The following CASQ2 variants were observed in gnomAD, a reference collection of about 807,000 sequenced individuals.
The protein encoded by CASQ2 is calsequestrin 2.
CASQ2 carries 49 observed loss-of-function variants against 46.5 expected under a neutral mutation model. The ratio of observed to expected loss-of-function variants is 1.05; its 90% confidence interval spans 0.84 to 1.34. The LOEUF (loss-of-function observed/expected upper bound fraction) is 1.34, where lower values mean the gene tolerates loss of function less well. CASQ2 is among the 40% of genes most tolerant of loss of function. CASQ2 has a pLI of 0.00. For synonymous variants in CASQ2, 174 were observed against 168.5 expected, an observed-to-expected ratio of 1.03 and a Z score of -0.25; for missense variants, 486 against 481.3, an observed-to-expected ratio of 1.01 and a Z score of -0.09.
chr1:115,701,310 TTCA>T lies in CASQ2; in HGVS notation c.1128_1130del (p.Asp376del), dbSNP rs202241842. On this transcript the variant is annotated inframe_deletion, in exon 11 of 11. Transcript: ENST00000261448. ...CAGAATTATCATCATCATCATCATC[TTCA>T]TCATCATCTTCAGTGTTTATCTTTC... The T allele has an allele frequency of 2.4e-5, 39 of 1,593,582 alleles. No individual in the cohort carries two copies. Among genetic ancestry groups the T allele is most frequent in the East Asian group, 8.9e-5 (4 of 44,758 alleles).
chr1:115,765,205 T>C (rs1248501049), intron 1 of CASQ2, among the ~76,000 whole-genome samples: 1 of 152,208 alleles, frequency 6.6e-6, no homozygotes, highest in Non-Finnish European at 1.5e-5. Flanking sequence ...TGTGAGCCAC[T>C]TGAGGGTCTC....
In CASQ2 at chr1:115,701,264, T is replaced by G. The variant is rs779986877; in HGVS notation, c.1177A>C (p.Ser393Arg). ...DNSDEEDNDD[S>R]DDDDDE ...GGCTATTCATCATCATCGTCATCAC[T>G]GTCATCATTATCCTCTTCATCAGAA... The change falls in exon 11 of 11, where the codon AGT (serine) becomes CGT (arginine). Residue 393 changes from serine to arginine, a missense_variant. Transcript: ENST00000261448. The G allele has an allele frequency of 6.2e-7, 1 of 1,606,012 alleles. No individual in the cohort carries two copies. Among genetic ancestry groups the G allele is most frequent in the Non-Finnish European group, 8.5e-7 (1 of 1,172,686 alleles).
At chr1:115,751,632 A>T (rs766645341) in intron 1 of CASQ2, among the ~76,000 whole-genome samples, 5 of 151,748 alleles carry the variant, frequency 3.3e-5, no homozygotes, top group Non-Finnish European at 7.4e-5. Context: ...AGATTGCGCC[A>T]CTGCACTCCA....
At chr1:115,724,297 T>G (rs552385011) in intron 7 of CASQ2, among the ~76,000 whole-genome samples, 1 of 152,238 alleles carries the variant, frequency 6.6e-6, no homozygotes, top group South Asian at 2.1e-4. Flanking sequence ...AAAATAGTAT[T>G]TGGTTTTTGT....
At position 115,700,882 on chromosome 1, in the gene CASQ2, T is replaced by C; in HGVS notation, c.*359A>G. 1.7e-6 allele frequency: 1 copy of C among 588,376 alleles called. No individual in the cohort carries two copies. Among genetic ancestry groups the C allele is most frequent in the South Asian group, 2.2e-5 (1 of 45,314 alleles). 36.4% of individuals were successfully genotyped at this position (588,376 alleles called of 1,614,324 possible). On this transcript the variant is annotated 3_prime_UTR_variant, in exon 11 of 11. Coordinates refer to ENST00000261448, the MANE Select transcript of CASQ2 (RefSeq NM_001232.4). ...TGAGTTAGAAAGCTGTCAATTTTGT[T>C]ACTGTCATAATCAAAGACAAGTAAA... is the stretch of plus-strand genomic sequence containing the variant.
intron 1 of CASQ2, among the ~76,000 whole-genome samples, chr1:115,750,838 C>T (rs1484603341): frequency 6.8e-6 from 1 of 147,830 alleles, no homozygotes; most frequent in Non-Finnish European, 1.5e-5. Flanking sequence ...ATGCATAATT[C>T]AATAGGAAAG....
At chr1:115,725,677 A>T in intron 6 of CASQ2, 124 bp from the exon 7 acceptor site, 1 of 1,283,106 alleles carries the variant, frequency 7.8e-7, no homozygotes, top group South Asian at 1.3e-5. Flanking sequence ...CAAGGCAGGG[A>T]GAGCCCTAAA....
At chr1:115,709,016 A>G (rs994043601) in intron 8 of CASQ2, among the ~76,000 whole-genome samples, 1 of 152,220 alleles carries the variant, frequency 6.6e-6, no homozygotes, top group African/African-American at 2.4e-5. Flanking sequence ...TTAAGGCATT[A>G]GCTTGTGTGG....
At chr1:115,745,849 C>A (rs543641511) in intron 1 of CASQ2, among the ~76,000 whole-genome samples, 2 of 152,274 alleles carry the variant, frequency 1.3e-5, no homozygotes, top group African/African-American at 4.8e-5. Context: ...TTTCCCTCAA[C>A]AGTAACATCT....
In CASQ2 at chr1:115,721,645, A is replaced by G. The variant is rs1038174018; in HGVS notation, c.784-3751T>C. On this transcript the variant is annotated intron_variant, in intron 7 of 10. Transcript: ENST00000261448. ...GGAGTGCAGTGGCACATCTCAGCTC[A>G]CTGCAGCCTCTGCCTCCCAGGCTCA... Among the ~76,000 whole-genome samples the G allele has an allele frequency of 8.5e-5, 13 of 152,262 alleles. No individual in the cohort carries two copies. The South Asian group carries it at 2.3e-3, about 27-fold the overall frequency.
At chr1:115,750,896 C>CTGTAGGTATGTATCGCACCTATAGGA (rs6143392) in intron 1 of CASQ2, among the ~76,000 whole-genome samples, 2 of 150,982 alleles carry the variant, frequency 1.3e-5, no homozygotes, top group Non-Finnish European at 3.0e-5. Flanking sequence ...AGATTGTATC[C>CTGTAGGTATGTATCGCACCTATAGGA]TGTAGGTATG....
At chr1:115,761,209 C>A (rs1648921696) in intron 1 of CASQ2, among the ~76,000 whole-genome samples, 1 of 149,980 alleles carries the variant, frequency 6.7e-6, no homozygotes, top group Non-Finnish European at 1.5e-5. Context: ...CCAGCCTGGC[C>A]AACATGGTGA....
chr1:115,733,216 C>T (rs1441968366), intron 4 of CASQ2, among the ~76,000 whole-genome samples: 1 of 152,070 alleles, frequency 6.6e-6, no homozygotes, highest in Non-Finnish European at 1.5e-5. Context: ...TTATGAACTG[C>T]AGGTAGAAAG....
intron 1 of CASQ2, among the ~76,000 whole-genome samples, chr1:115,762,096 A>G (rs1302153185): frequency 6.6e-6 from 1 of 151,994 alleles, no homozygotes; most frequent in Non-Finnish European, 1.5e-5. Context: ...TAGACTTTGA[A>G]CTCTAGTTGC....
chr1:115,712,908 A>T (rs1191666571), intron 8 of CASQ2, among the ~76,000 whole-genome samples: 1 of 152,088 alleles, frequency 6.6e-6, no homozygotes, highest in African/African-American at 2.4e-5. Flanking sequence ...TGGTAAACCA[A>T]ACTTAAAATC....
At chr1:115,759,131 G>T (rs1205815860) in intron 1 of CASQ2, among the ~76,000 whole-genome samples, 1 of 152,166 alleles carries the variant, frequency 6.6e-6, no homozygotes, top group African/African-American at 2.4e-5. Flanking sequence ...ATAAAAGAGG[G>T]ACATTTCCCT....
At chr1:115,713,219 A>C (rs956161026) in intron 8 of CASQ2, among the ~76,000 whole-genome samples, 3 of 152,194 alleles carry the variant, frequency 2.0e-5, no homozygotes, top group Non-Finnish European at 4.4e-5. Context: ...TGACACAGAC[A>C]CATCTAGGGG....
intron 1 of CASQ2, among the ~76,000 whole-genome samples, chr1:115,757,135 C>A (rs776677960): frequency 6.6e-6 from 1 of 152,064 alleles, no homozygotes; most frequent in Non-Finnish European, 1.5e-5. Flanking sequence ...GTTCGTGAAA[C>A]CTTTATTTCC....
At chr1:115,751,105 G>T (rs928334586) in intron 1 of CASQ2, among the ~76,000 whole-genome samples, 2 of 152,214 alleles carry the variant, frequency 1.3e-5, no homozygotes, top group East Asian at 3.9e-4. Flanking sequence ...GGACTGTTTT[G>T]ATGATTAACT....
Sources: allele counts gnomAD v4.1 joint callset (sites outside exome capture counted in the v4.1 genomes callset), GRCh38; gene constraint gnomAD v4.1.1; transcripts MANE v1.5; gene names NCBI Gene and HGNC (gene_info 2026-07-23, HGNC 2026-07-21).